The following NRXN3 variants were observed in gnomAD, a reference collection of about 807,000 sequenced individuals.
The protein encoded by NRXN3 is neurexin 3.
In NRXN3, 32 loss-of-function variants were observed where a neutral mutation model predicts 137.6. The observed-to-expected ratio is 0.23, with a 90% CI of 0.18 to 0.31. NRXN3 has a LOEUF of 0.31. Among genes scored for constraint, NRXN3 ranks in the 10% least tolerant of loss-of-function variants. NRXN3 has a pLI of 1.00. For synonymous variants in NRXN3, 798 were observed against 784.5 expected (o/e 1.02, Z -0.29); for missense variants, 1,574 against 2,062.5 (o/e 0.76, Z 4.59).
intron 15 of NRXN3, among the ~76,000 whole-genome samples, chr14:79,188,480 T>C (rs2063804949): frequency 6.6e-6 from 1 of 152,164 alleles, no homozygotes; most frequent in Non-Finnish European, 1.5e-5. Flanking sequence ...AGGTTTTCTT[T>C]ACACAGAGCA....
chr14:78,893,958 A>G (rs756859387), intron 10 of NRXN3, among the ~76,000 whole-genome samples: 6 of 151,958 alleles, frequency 3.9e-5, no homozygotes, highest in African/African-American at 7.2e-5. Context: ...TAAAATGTAC[A>G]TACCCTAATT....
intron 4 of NRXN3, among the ~76,000 whole-genome samples, chr14:78,412,673 G>A (rs963661578): frequency 5.3e-5 from 8 of 152,270 alleles, no homozygotes; most frequent in Admixed American, 2.0e-4. Context: ...CCCAGGTCAC[G>A]TGACTTCAGA....
chr14:79,483,414 G>C (rs141797966), intron 16 of NRXN3, among the ~76,000 whole-genome samples: 1 of 152,290 alleles, frequency 6.6e-6, no homozygotes, highest in African/African-American at 2.4e-5. Flanking sequence ...AAAAGTGTTT[G>C]GTATAAATTA....
chr14:78,467,032 A>G (rs1244268892), intron 4 of NRXN3, among the ~76,000 whole-genome samples: 1 of 152,174 alleles, frequency 6.6e-6, no homozygotes, highest in Non-Finnish European at 1.5e-5. Flanking sequence ...ATGACCTATA[A>G]GCTCTCTCTT....
chr14:78,879,243 A>G (rs558091782), intron 10 of NRXN3, among the ~76,000 whole-genome samples: 19 of 152,324 alleles, frequency 1.2e-4, no homozygotes, highest in Admixed American at 3.9e-4. Context: ...GGATCACTGG[A>G]TCGTATGGTA....
intron 15 of NRXN3, among the ~76,000 whole-genome samples, chr14:79,259,229 G>A (rs1291535596): frequency 6.6e-6 from 1 of 152,180 alleles, no homozygotes; most frequent in Admixed American, 6.5e-5. Flanking sequence ...TGTTCGTGAT[G>A]TTAAATAAAG....
Position 79,488,582 on chromosome 14 carries a change from C to T in NRXN3, c.3444+21180C>T, listed in dbSNP as rs139163197. Among the ~76,000 whole-genome samples, 707 of 152,208 alleles carry T rather than the reference C, an allele frequency of 4.6e-3. 3 individuals are homozygous for T. Among genetic ancestry groups the T allele is most frequent in the Middle Eastern group, 0.024 (7 of 294 alleles). On this transcript the variant is annotated intron_variant, in intron 16 of 20. Coordinates refer to ENST00000335750, the MANE Select transcript of NRXN3 (RefSeq NM_001330195.2). Reference sequence around the variant, plus strand: ...GGAAGGGTGAGAGAAAAACAGTAGACGGCTTAATGTCATCACCACCACAAC... The same window carrying T: ...GGAAGGGTGAGAGAAAAACAGTAGATGGCTTAATGTCATCACCACCACAAC...
chr14:79,834,292 C>CT (rs11428870), intron 20 of NRXN3, among the ~76,000 whole-genome samples: 138,126 of 152,100 alleles, frequency 0.91, 62,747 homozygotes, highest in East Asian at 0.95. Context: ...GGAGCCTATT[C>CT]TTTTCATTTT....
intron 10 of NRXN3, among the ~76,000 whole-genome samples, chr14:78,812,770 T>G (rs1477498522): frequency 6.6e-6 from 1 of 152,232 alleles, no homozygotes; most frequent in Non-Finnish European, 1.5e-5. Context: ...TGATTTCAAT[T>G]CAATACTTAC....
intron 10 of NRXN3, among the ~76,000 whole-genome samples, chr14:78,926,852 TATATA>T (rs1318166201): frequency 0.011 from 254 of 23,950 alleles, 11 homozygotes; most frequent in Middle Eastern, 0.045. Flanking sequence ...TATAATATAT[TATATA>T]TATAATATAT....
chr14:79,777,566 A>C (rs2099100865), intron 19 of NRXN3, among the ~76,000 whole-genome samples: 1 of 152,116 alleles, frequency 6.6e-6, no homozygotes, highest in Non-Finnish European at 1.5e-5. Flanking sequence ...GTATATCACA[A>C]GGCAAAAATT....
At chr14:78,286,016 CAG>C (rs2075128031) in intron 3 of NRXN3, among the ~76,000 whole-genome samples, 1 of 152,138 alleles carries the variant, frequency 6.6e-6, no homozygotes, top group African/African-American at 2.4e-5. Flanking sequence ...TTGGCTCACT[CAG>C]GGATGCAGAT....
chr14:79,441,566 G>C (rs2095956133), intron 15 of NRXN3, among the ~76,000 whole-genome samples: 1 of 151,500 alleles, frequency 6.6e-6, no homozygotes, highest in African/African-American at 2.4e-5. Flanking sequence ...ATTTTTAGTA[G>C]AGACGGGGTT....
At chr14:78,649,394 T>A in intron 5 of NRXN3, 1 of 379,224 alleles carries the variant, frequency 2.6e-6, no homozygotes, top group Non-Finnish European at 4.5e-6. Flanking sequence ...CCTTTTATCC[T>A]CTTTAGACTC....
intron 8 of NRXN3, among the ~76,000 whole-genome samples, chr14:78,753,353 A>G (rs1224599138): frequency 6.6e-6 from 1 of 152,124 alleles, no homozygotes; most frequent in Non-Finnish European, 1.5e-5. Context: ...TTCCATCATT[A>G]TGTCCTTAAT....
At chr14:78,730,244 C>A (rs1416350659) in intron 8 of NRXN3, among the ~76,000 whole-genome samples, 1 of 152,122 alleles carries the variant, frequency 6.6e-6, no homozygotes, top group Non-Finnish European at 1.5e-5. Flanking sequence ...GGCATTTCTA[C>A]CATCTAAAAC....
intron 4 of NRXN3, among the ~76,000 whole-genome samples, chr14:78,320,345 A>C (rs1567250289): frequency 2.0e-5 from 3 of 152,264 alleles, no homozygotes; most frequent in East Asian, 3.9e-4. Flanking sequence ...GACGGAAATG[A>C]ATTATTTATT....
chr14:79,803,867 CTAAT>C (rs895756082), intron 19 of NRXN3, among the ~76,000 whole-genome samples: 4 of 148,134 alleles, frequency 2.7e-5, no homozygotes, highest in Admixed American at 1.4e-4. Flanking sequence ...AGAATCACGT[CTAAT>C]TAATAACTGT....
chr14:79,173,244 T>G (rs2061960301), intron 15 of NRXN3, among the ~76,000 whole-genome samples: 1 of 151,956 alleles, frequency 6.6e-6, no homozygotes, highest in Non-Finnish European at 1.5e-5. Context: ...TTAAGAGAAA[T>G]TTAGGCCAGG....
Sources: gnomAD v4.1 joint callset for allele counts (sites outside exome capture counted in the v4.1 genomes callset) on GRCh38, gnomAD v4.1.1 for gene constraint, MANE v1.5 for transcripts, NCBI Gene and HGNC (gene_info 2026-07-23, HGNC 2026-07-21) for gene names.